The following GALNT18 variants were observed in gnomAD, a reference collection of about 807,000 sequenced individuals.
GALNT18 encodes polypeptide N-acetylgalactosaminyltransferase 18, also known as GalNAc-transferase 18.
Under a neutral mutation model 69.5 loss-of-function variants are expected in GALNT18, and 44 were observed. That is an observed-to-expected ratio of 0.63 (90% CI 0.50 to 0.81). The LOEUF is 0.81. GALNT18 is among the 40% of genes least tolerant of loss of function. GALNT18 has a pLI of 0.00. For missense variants in GALNT18, 715 were observed against 810.0 expected (o/e 0.88, Z 1.42); for synonymous variants, 364 against 318.2 (o/e 1.14, Z -1.53).
At chr11:11,280,488 G>A (rs747166200) in intron 10 of GALNT18, among the ~76,000 whole-genome samples, 4 of 151,854 alleles carry the variant, frequency 2.6e-5, no homozygotes, top group Middle Eastern at 3.2e-3. Flanking sequence ...CTTCCACTGC[G>A]CTAAAATCCT....
rs1054463609 is a variant in GALNT18, at chr11:11,318,490, G to C, written c.1512+8596C>G. Among the ~76,000 whole-genome samples, 4 of 152,178 alleles carry C rather than the reference G, an allele frequency of 2.6e-5. No individual in the cohort carries two copies. The highest frequency in any genetic ancestry group is 9.7e-5 in the African/African-American group (4 of 41,436). On this transcript the variant is annotated intron_variant, in intron 9 of 10. Coordinates refer to ENST00000227756, the MANE Select transcript of GALNT18 (RefSeq NM_198516.3). This position sits in a 1 kb window ranked among gnomAD's most constrained non-coding sequence, Gnocchi z 5.1. ...AGAAGTTAGGAGAGTGCCTGGAGTA[G>C]AATCTTTCCTAGGCCTTCAGAGGGA... is the stretch of plus-strand genomic sequence containing the variant.
chr11:11,610,547 T>C (rs1373073740), intron 1 of GALNT18, among the ~76,000 whole-genome samples: 1 of 152,228 alleles, frequency 6.6e-6, no homozygotes, highest in Non-Finnish European at 1.5e-5. Context: ...TCACTGGTTT[T>C]TTTTCCCATT....
Position 11,360,475 on chromosome 11 carries a change from G to A in GALNT18, c.1092+12040C>T, listed in dbSNP as rs137958660. ...CTAAGCCAATTTGATTCTCTTCATC[G>A]ATTTTCTATAGACCAAATTAAAATA... On this transcript the variant is annotated intron_variant, in intron 6 of 10. Coordinates refer to ENST00000227756, the MANE Select transcript of GALNT18 (RefSeq NM_198516.3). 1.4e-3 allele frequency among the ~76,000 whole-genome samples: 218 copies of A among 152,220 alleles called. 3 individuals carry two copies. The highest frequency in any genetic ancestry group is 9.6e-4 in the East Asian group (5 of 5,184).
At chr11:11,278,502 TTATAG>T (rs756812012) in intron 10 of GALNT18, among the ~76,000 whole-genome samples, 64 of 151,948 alleles carry the variant, frequency 4.2e-4, no homozygotes, top group Non-Finnish European at 2.8e-4. Context: ...ACCCCAGAAC[TTATAG>T]TATAAAAAAA....
intron 1 of GALNT18, among the ~76,000 whole-genome samples, chr11:11,571,723 C>T (rs1858797366): frequency 6.6e-6 from 1 of 152,184 alleles, no homozygotes; most frequent in Admixed American, 6.5e-5. Flanking sequence ...CTCCACAAAT[C>T]CCATAACACG....
chr11:11,499,497 G>T (rs1251223657), intron 1 of GALNT18, among the ~76,000 whole-genome samples: 2 of 148,880 alleles, frequency 1.3e-5, no homozygotes, highest in Non-Finnish European at 3.0e-5. Context: ...ATCAGCATTT[G>T]CCCTCTAGAG....
intron 6 of GALNT18, among the ~76,000 whole-genome samples, chr11:11,366,618 A>G (rs1042904462): frequency 6.6e-6 from 1 of 152,222 alleles, no homozygotes; most frequent in Non-Finnish European, 1.5e-5. Flanking sequence ...TGAGCAATAA[A>G]TAGGATAATT....
intron 3 of GALNT18, among the ~76,000 whole-genome samples, chr11:11,412,889 C>T (rs1844160791): frequency 6.6e-6 from 1 of 152,148 alleles, no homozygotes. Flanking sequence ...GGCTGAAGTG[C>T]TAGAAATTAA....
At chr11:11,571,249 TG>T (rs1378036798) in intron 1 of GALNT18, among the ~76,000 whole-genome samples, 3 of 152,208 alleles carry the variant, frequency 2.0e-5, no homozygotes, top group African/African-American at 7.2e-5. Flanking sequence ...GCCTGACCCT[TG>T]GGCTGTGTGT....
chr11:11,577,741 C>G (rs901258715), intron 1 of GALNT18, among the ~76,000 whole-genome samples: 1 of 152,210 alleles, frequency 6.6e-6, no homozygotes, highest in African/African-American at 2.4e-5. Context: ...GGCAGACAAG[C>G]TCCCGGCTGG....
At chr11:11,570,523 G>A (rs1207476697) in intron 1 of GALNT18, among the ~76,000 whole-genome samples, 1 of 152,174 alleles carries the variant, frequency 6.6e-6, no homozygotes, top group Non-Finnish European at 1.5e-5. Context: ...TCCTCCTGGG[G>A]GACCCTGCCC....
rs918243339 is a variant in GALNT18, at chr11:11,454,882, T to C, written c.236-5946A>G. On this transcript the variant is annotated intron_variant, in intron 1 of 10. Coordinates refer to ENST00000227756, the MANE Select transcript of GALNT18 (RefSeq NM_198516.3). The surrounding 1 kb of genome is among the most constrained non-coding windows in gnomAD (Gnocchi z 4.2). ...GGGGAGGATTCCCTCCAGAGGACAC[T>C]AATCACTCCACCCTTGAAGAGAAAG... Among the ~76,000 whole-genome samples, 1 of 152,214 alleles carries C rather than the reference T, an allele frequency of 6.6e-6. No individual in the cohort carries two copies. The highest frequency in any genetic ancestry group is 2.4e-5 in the African/African-American group (1 of 41,452).
In GALNT18 at chr11:11,469,113, A is replaced by G. The variant is rs1309352632; in HGVS notation, c.236-20177T>C. Among the ~76,000 whole-genome samples, 1 of 152,234 alleles carries G rather than the reference A, an allele frequency of 6.6e-6. No individual in the cohort carries two copies. Among genetic ancestry groups the G allele is most frequent in the Non-Finnish European group, 1.5e-5 (1 of 68,046 alleles). ...AGCACTCTTTAACCACGTCACTGTG[A>G]ATCAGCCAGCTCTGATGATATTATT... On this transcript the variant is annotated intron_variant, in intron 1 of 10. Transcript: ENST00000227756. The surrounding 1 kb of genome is among the most constrained non-coding windows in gnomAD (Gnocchi z 4.2).
Position 11,522,935 on chromosome 11 carries a change from C to T in GALNT18, c.236-73999G>A, listed in dbSNP as rs565559378. On this transcript the variant is annotated intron_variant, in intron 1 of 10. Transcript: ENST00000227756. ...TCTGAAATTCTCTTGGAGCACCAAA[C>T]ATGAAACTTCTTCCCCTGTCCTCAG... Among the ~76,000 whole-genome samples the T allele has an allele frequency of 5.3e-5, 8 of 152,332 alleles. No individual in the cohort carries two copies. The South Asian group carries it at 1.5e-3, about 28-fold the overall frequency.
intron 3 of GALNT18, among the ~76,000 whole-genome samples, chr11:11,406,280 G>A (rs935524117): frequency 6.6e-6 from 1 of 152,284 alleles, no homozygotes; most frequent in East Asian, 1.9e-4. Context: ...GTAGGTAGGA[G>A]GATAATCATC....
chr11:11,334,789 G>C (rs1357399115), intron 7 of GALNT18, among the ~76,000 whole-genome samples: 7 of 152,078 alleles, frequency 4.6e-5, no homozygotes, highest in African/African-American at 1.7e-4. Flanking sequence ...CTGGACTCCG[G>C]CTCCTTAAGG....
intron 5 of GALNT18, among the ~76,000 whole-genome samples, chr11:11,374,557 G>C (rs1202638730): frequency 6.6e-6 from 1 of 152,196 alleles, no homozygotes; most frequent in East Asian, 1.9e-4. Context: ...CACACAGGAA[G>C]GGACCTTCCT....
chr11:11,421,935 C>T lies in GALNT18; in HGVS notation c.595+10686G>A, dbSNP rs573391017. 1.3e-5 allele frequency among the ~76,000 whole-genome samples: 2 copies of T among 152,312 alleles called. No individual in the cohort carries two copies. Among genetic ancestry groups the T allele is most frequent in the South Asian group, 4.1e-4 (2 of 4,822 alleles). On this transcript the variant is annotated intron_variant, in intron 3 of 10. Coordinates refer to ENST00000227756, the MANE Select transcript of GALNT18 (RefSeq NM_198516.3). The surrounding 1 kb of genome is among the most constrained non-coding windows in gnomAD (Gnocchi z 5.6). ...ATTTTAGCCCCTACGTGCCCCTGGC[C>T]TGGGTGCCCTGGCATAGAATCATGC...
At chr11:11,490,200 TTCTCTCTCTCTCTCTCTC>T (rs71037025) in intron 1 of GALNT18, among the ~76,000 whole-genome samples, 6 of 130,686 alleles carry the variant, frequency 4.6e-5, no homozygotes, top group African/African-American at 1.4e-4. Context: ...CCTTCACTCA[TTCTCTCTCTCTCTCTCTC>T]TCTCTCTCTC....
Sources: allele counts gnomAD v4.1 joint callset (sites outside exome capture counted in the v4.1 genomes callset), GRCh38; gene constraint gnomAD v4.1.1; non-coding constraint Gnocchi (gnomAD v3.1); transcripts MANE v1.5; gene names NCBI Gene and HGNC (gene_info 2026-07-23, HGNC 2026-07-21).